Variants in PTPRK observed in about 807,000 individuals in gnomAD.
The protein encoded by PTPRK is receptor-type tyrosine-protein phosphatase kappa.
Under a neutral mutation model 178.0 loss-of-function variants are expected in PTPRK, and 75 were observed. That is an observed-to-expected ratio of 0.42 (90% CI 0.35 to 0.51). The LOEUF is 0.51. Ranked by LOEUF, PTPRK falls within the 20% of genes least tolerant of loss-of-function variation. The pLI is 0.02. For synonymous variants in PTPRK, 637 were observed against 620.6 expected, an observed-to-expected ratio of 1.03 and a Z score of -0.39; for missense variants, 1,441 against 1,797.8, an observed-to-expected ratio of 0.80 and a Z score of 3.59.
chr6:128,054,682 A>C (rs1779609060), intron 13 of PTPRK, among the ~76,000 whole-genome samples: 4 of 152,214 alleles, frequency 2.6e-5, no homozygotes, highest in Admixed American at 2.6e-4. Context: ...CTTTGAACAT[A>C]GCACATTTGT....
intron 3 of PTPRK, among the ~76,000 whole-genome samples, chr6:128,252,658 A>G (rs904295357): frequency 6.6e-6 from 1 of 152,146 alleles, no homozygotes; most frequent in Non-Finnish European, 1.5e-5. Context: ...ATAGACCCTC[A>G]AGGTAAGACA....
chr6:128,090,411 C>A (rs1786717553), intron 7 of PTPRK, among the ~76,000 whole-genome samples: 1 of 152,134 alleles, frequency 6.6e-6, no homozygotes, highest in Non-Finnish European at 1.5e-5. Flanking sequence ...CTAAGCTATG[C>A]TGTATACGAA....
chr6:128,372,673 T>C lies in PTPRK; in HGVS notation c.223+24893A>G, dbSNP rs377318587. On this transcript the variant is annotated intron_variant, in intron 2 of 29. Transcript: ENST00000368226. ...AGATAATGATAATAAGGAGAGTTGA[T>C]TTTCATTATGTTGTATTTTAAGTGC... Among the ~76,000 whole-genome samples the C allele has an allele frequency of 9.2e-5, 14 of 152,224 alleles. No individual in the cohort carries two copies. The East Asian group carries it at 1.7e-3, about 19-fold the overall frequency.
chr6:128,520,464 T>C lies in PTPRK; in HGVS notation c.-106A>G, dbSNP rs1402074811. On this transcript the variant is annotated 5_prime_UTR_variant, in exon 1 of 30. Transcript: ENST00000368226. ...GCCGGGCCTCGCGGGGTGAGGACGG[T>C]GAGAGGACAGCCGCCCGCCCGCCCT... 1 of 1,064,816 alleles carries C rather than the reference T, an allele frequency of 9.4e-7. No individual in the cohort carries two copies. The allele number at this position is 1,064,816 out of a possible 1,614,324, so 66.0% of individuals were successfully genotyped here.
chr6:127,992,935 T>A (rs1776763978), intron 18 of PTPRK, among the ~76,000 whole-genome samples: 1 of 151,724 alleles, frequency 6.6e-6, no homozygotes, highest in East Asian at 1.9e-4. Flanking sequence ...ATATATTGTA[T>A]AATTGATTTT....
chr6:127,975,903 C>A (rs1259903269), intron 27 of PTPRK, among the ~76,000 whole-genome samples: 1 of 152,062 alleles, frequency 6.6e-6, no homozygotes, highest in African/African-American at 2.4e-5. Context: ...AACTCCTGAC[C>A]TTATGATCTG....
chr6:128,266,122 T>C (rs915470995), intron 3 of PTPRK, among the ~76,000 whole-genome samples: 3 of 152,142 alleles, frequency 2.0e-5, no homozygotes, highest in Non-Finnish European at 4.4e-5. Context: ...CATTTTGCTA[T>C]AGCAGACTGA....
In PTPRK at chr6:128,083,840, AT is replaced by A; in HGVS notation, c.1466-17del. ...GGACCAGGCACTACAAAACACATGAATTTTTTGTTATGAAAATGCTTACATT... is the reference window on the plus strand; with the variant it reads ...GGACCAGGCACTACAAAACACATGAATTTTTGTTATGAAAATGCTTACATT... On this transcript the variant is annotated splice_polypyrimidine_tract_variant and intron_variant, in intron 8 of 29. Coordinates refer to ENST00000368226, the MANE Select transcript of PTPRK (RefSeq NM_002844.4). 2 of 1,437,726 alleles carry A rather than the reference AT, an allele frequency of 1.4e-6. No individual in the cohort carries two copies. Among genetic ancestry groups the A allele is most frequent in the Non-Finnish European group, 1.9e-6 (2 of 1,055,746 alleles). The allele number at this position is 1,437,726 out of a possible 1,614,324, so 89.1% of individuals were successfully genotyped here.
At chr6:128,145,932 C>G (rs1796423574) in intron 7 of PTPRK, among the ~76,000 whole-genome samples, 1 of 152,170 alleles carries the variant, frequency 6.6e-6, no homozygotes, top group African/African-American at 2.4e-5. Flanking sequence ...CAAGTCTCTG[C>G]TTAGGGAACA....
chr6:128,311,935 C>T (rs1402366388), intron 3 of PTPRK, among the ~76,000 whole-genome samples: 1 of 152,058 alleles, frequency 6.6e-6, no homozygotes, highest in East Asian at 1.9e-4. Flanking sequence ...AAAAACATAA[C>T]AAATTTATTT....
At chr6:128,367,232 C>T (rs548936433) in intron 2 of PTPRK, among the ~76,000 whole-genome samples, 1 of 152,228 alleles carries the variant, frequency 6.6e-6, no homozygotes, top group Admixed American at 6.5e-5. Context: ...CTATATTCTG[C>T]ATGCTGGTTT....
intron 6 of PTPRK, among the ~76,000 whole-genome samples, chr6:128,210,597 C>T (rs1807959734): frequency 6.6e-6 from 1 of 151,940 alleles, no homozygotes; most frequent in South Asian, 2.1e-4. Context: ...GCTGGCTTTG[C>T]CTGCTGTGGA....
At chr6:128,258,527 T>C (rs1817688279) in intron 3 of PTPRK, among the ~76,000 whole-genome samples, 1 of 152,226 alleles carries the variant, frequency 6.6e-6, no homozygotes, top group South Asian at 2.1e-4. Context: ...TTTTTCATTG[T>C]ATATGTACTT....
chr6:128,363,039 A>T lies in PTPRK; in HGVS notation c.223+34527T>A, dbSNP rs1352628892. 4.6e-5 allele frequency among the ~76,000 whole-genome samples: 7 copies of T among 152,328 alleles called. No homozygotes were observed. The South Asian group carries it at 1.4e-3, about 32-fold the overall frequency. ...CACTGGGAATTCAGTAATGTAAGTC[A>T]TATTTGCTTTAATTACCTTAACTCT... is the stretch of plus-strand genomic sequence containing the variant. On this transcript the variant is annotated intron_variant, in intron 2 of 29. Coordinates refer to ENST00000368226, the MANE Select transcript of PTPRK (RefSeq NM_002844.4).
intron 1 of PTPRK, among the ~76,000 whole-genome samples, chr6:128,514,071 G>A (rs944265740): frequency 3.3e-5 from 5 of 152,058 alleles, no homozygotes; most frequent in South Asian, 4.2e-4. Context: ...TTGGAGAATC[G>A]GCCTATGAGC....
chr6:128,328,925 T>C (rs1829915155), intron 2 of PTPRK, among the ~76,000 whole-genome samples: 1 of 152,182 alleles, frequency 6.6e-6, no homozygotes, highest in African/African-American at 2.4e-5. Context: ...GATTCTCATT[T>C]TTACTTCATC....
chr6:128,215,752 G>C (rs1253087302), intron 6 of PTPRK, among the ~76,000 whole-genome samples: 1 of 151,436 alleles, frequency 6.6e-6, no homozygotes, highest in Non-Finnish European at 1.5e-5. Context: ...CTTACCCTTG[G>C]GTCATCTTTG....
chr6:128,078,699 CAT>C, intron 11 of PTPRK, 112 bp downstream of exon 11: 2 of 560,086 alleles, frequency 3.6e-6, no homozygotes, highest in Non-Finnish European at 3.0e-6. Flanking sequence ...TAGAAAAAAA[CAT>C]AGTACAGTCT....
chr6:128,171,183 A>G (rs896838292), intron 7 of PTPRK, among the ~76,000 whole-genome samples: 2 of 152,040 alleles, frequency 1.3e-5, no homozygotes, highest in Non-Finnish European at 2.9e-5. Flanking sequence ...ACTTTCTTCA[A>G]TACAGTGGAT....
Sources: gnomAD v4.1 joint callset for allele counts (sites outside exome capture counted in the v4.1 genomes callset) on GRCh38, gnomAD v4.1.1 for gene constraint, MANE v1.5 for transcripts, NCBI Gene and HGNC (gene_info 2026-07-23, HGNC 2026-07-21) for gene names.